Variants in ZNF507 observed in about 807,000 individuals in gnomAD.
ZNF507 encodes the protein zinc finger protein 507.
In ZNF507, 29 loss-of-function variants were observed where a neutral mutation model predicts 80.0. That is an observed-to-expected ratio of 0.36 (90% confidence interval 0.27 to 0.49). The LOEUF (loss-of-function observed/expected upper bound fraction) is 0.49, where lower values mean the gene tolerates loss of function less well. Among genes scored for constraint, ZNF507 ranks in the 20% least tolerant of loss-of-function variants. The probability of loss-of-function intolerance (pLI) is 0.98; values close to 1 mark genes in which losing one functional copy is unlikely to be tolerated. For missense variants in ZNF507, 1,081 were observed against 1,152.2 expected (o/e 0.94, Z 0.90); for synonymous variants, 462 against 422.5 (o/e 1.09, Z -1.15).
At chr19:32,372,543 T>A (rs956856946) in intron 5 of ZNF507, among the ~76,000 whole-genome samples, 9 of 151,796 alleles carry the variant, frequency 5.9e-5, no homozygotes, top group African/African-American at 2.2e-4. Flanking sequence ...TGGCCCTGGC[T>A]TCTGGTGAAG....
intron 5 of ZNF507, among the ~76,000 whole-genome samples, chr19:32,381,777 G>A (rs1455542629): frequency 6.6e-6 from 1 of 152,168 alleles, no homozygotes; most frequent in Non-Finnish European, 1.5e-5. Flanking sequence ...ATTGGGTGCA[G>A]GGGAGGAGGG....
chr19:32,365,428 G>A (rs1967385861), intron 5 of ZNF507, among the ~76,000 whole-genome samples: 1 of 152,120 alleles, frequency 6.6e-6, no homozygotes. Flanking sequence ...GTCTAGAAGG[G>A]TTTTTCCAAT....
Position 32,354,776 on chromosome 19 carries a change from C to G in ZNF507, c.1946C>G (p.Thr649Arg). The G allele has an allele frequency of 1.2e-6, 2 of 1,614,180 alleles. No homozygotes were observed. The highest frequency in any genetic ancestry group is 1.7e-6 in the Non-Finnish European group (2 of 1,180,044). ...RPYRCRLCHY[T>R]SGNKGYIKQH... ...TACCGTTGCCGCCTGTGTCACTACA[C>G]AAGTGGCAACAAGGGCTACATCAAG... The change falls in exon 3 of 7, where the codon ACA becomes AGA. Residue 649 changes from threonine to arginine, a missense_variant. By Grantham distance (71) the Thr-to-Arg change is moderately conservative (BLOSUM62 -1). Around this residue, in one of 6 missense-constraint regions of ZNF507, gnomAD observed 614 missense variants for 583.9 expected, o/e 1.05. Transcript: ENST00000355898.
intron 5 of ZNF507, among the ~76,000 whole-genome samples, chr19:32,371,128 T>C (rs1214712338): frequency 2.0e-5 from 3 of 152,180 alleles, no homozygotes; most frequent in African/African-American, 4.8e-5. Context: ...AAACATATTT[T>C]CTATCATTTC....
Position 32,353,986 on chromosome 19 carries a change from A to G in ZNF507, c.1156A>G (p.Ser386Gly), listed in dbSNP as rs145399600. The change falls in exon 3 of 7, where the codon AGC (serine) becomes GGC (glycine). Residue 386 changes from serine to glycine, a missense_variant. This residue lies in a region of ZNF507 where 614 missense variants were observed against 583.9 expected (regional missense o/e 1.05). Coordinates refer to ENST00000355898, the MANE Select transcript of ZNF507 (RefSeq NM_001136156.2). ...GCTTACATCAGCACAGAAAATCATC[A>G]GCAGCAGCCCCAATAAAAAAGGGCA... is the stretch of plus-strand genomic sequence containing the variant. The part of the protein sequence containing the change: ...SLLTSAQKII[S>G]SSPNKKGHVN... The G allele has an allele frequency of 3.1e-6, 5 of 1,614,174 alleles. No individual in the cohort carries two copies. The South Asian group carries it at 4.4e-5, about 14-fold the overall frequency.
At chr19:32,351,280 C>T (rs1005664570) in intron 2 of ZNF507, among the ~76,000 whole-genome samples, 3 of 151,892 alleles carry the variant, frequency 2.0e-5, no homozygotes, top group Non-Finnish European at 4.4e-5. Context: ...CTGAAGAAGC[C>T]AAGAGTAAAG....
At chr19:32,382,674 T>C in intron 6 of ZNF507, 43 bp from the exon 7 acceptor site, 3 of 1,610,902 alleles carry the variant, frequency 1.9e-6, no homozygotes, top group Non-Finnish European at 2.5e-6. Context: ...TAGTCCTACA[T>C]TGTAGCCTCC....
chr19:32,382,313 C>G, intron 5 of ZNF507, 154 bp from the exon 6 acceptor site: 1 of 912,538 alleles, frequency 1.1e-6, no homozygotes, highest in Non-Finnish European at 1.6e-6. Flanking sequence ...AATCAGTGTA[C>G]CTCTTAGAAT....
At chr19:32,361,842 T>TCTTCCTTTCCTTCCTTCCTTTC (rs1568305731) in intron 5 of ZNF507, among the ~76,000 whole-genome samples, 1 of 136,220 alleles carries the variant, frequency 7.3e-6, no homozygotes, top group African/African-American at 2.8e-5. Flanking sequence ...TCCTTTCCTT[T>TCTTCCTTTCCTTCCTTCCTTTC]CTTCCTTTCC....
chr19:32,350,382 T>A (rs1401455371), intron 2 of ZNF507, among the ~76,000 whole-genome samples: 1 of 152,230 alleles, frequency 6.6e-6, no homozygotes, highest in Non-Finnish European at 1.5e-5. Flanking sequence ...ATGAGATACT[T>A]ACATAAATGT....
At chr19:32,377,836 C>T (rs1338911948) in intron 5 of ZNF507, among the ~76,000 whole-genome samples, 1 of 152,170 alleles carries the variant, frequency 6.6e-6, no homozygotes, top group Non-Finnish European at 1.5e-5. Flanking sequence ...GAAAGAGGAA[C>T]TTGACCCTGG....
intron 4 of ZNF507, chr19:32,358,814 A>T (rs1411542287): frequency 1.3e-5 from 2 of 152,168 alleles, no homozygotes; most frequent in African/African-American, 2.4e-5. Context: ...TATAGGACTT[A>T]CTAAACTATG....
chr19:32,382,578 C>T lies in ZNF507; in HGVS notation c.2472C>T (p.Asn824=), dbSNP rs755463802. ...YNYEQVNKAI[N]DAISQSGRVL... ...ACGAACAAGTAAACAAGGCTATTAA[C>T]GACGCGATTTCACAAAGTGGCAGGT... The change falls in exon 6 of 7, where the codon AAC becomes AAT. Residue 824 remains asparagine (N), a synonymous_variant. Coordinates refer to ENST00000355898, the MANE Select transcript of ZNF507 (RefSeq NM_001136156.2). 3.7e-6 allele frequency: 6 copies of T among 1,614,132 alleles called. No homozygotes were observed. Among genetic ancestry groups the T allele is most frequent in the Middle Eastern group, 1.6e-4 (1 of 6,062 alleles).
At chr19:32,363,142 A>G (rs1285002450) in intron 5 of ZNF507, among the ~76,000 whole-genome samples, 1 of 152,110 alleles carries the variant, frequency 6.6e-6, no homozygotes, top group East Asian at 1.9e-4. Context: ...GGCTCATTTC[A>G]TGTCTGCTTC....
Position 32,353,562 on chromosome 19 carries a change from G to A in ZNF507, c.732G>A (p.Gln244=). The A allele has an allele frequency of 6.2e-7, 1 of 1,614,204 alleles. No homozygotes were observed. The highest frequency in any genetic ancestry group is 8.5e-7 in the Non-Finnish European group (1 of 1,180,050). The part of the protein sequence containing the change: ...MGRRKWYAYE[Q]YGMYRCLFCS... Reference sequence around the variant, plus strand: ...GGAGGAAATGGTATGCATACGAACAGTACGGCATGTATCGATGCTTGTTTT... The same window carrying A: ...GGAGGAAATGGTATGCATACGAACAATACGGCATGTATCGATGCTTGTTTT... The change falls in exon 3 of 7, where the codon CAG becomes CAA. Residue 244 remains glutamine (Q), a synonymous_variant. Transcript: ENST00000355898.
At chr19:32,359,779 C>T (rs1967297074) in intron 4 of ZNF507, 1 of 152,230 alleles carries the variant, frequency 6.6e-6, no homozygotes, top group Non-Finnish European at 1.5e-5. Context: ...AAGAATTATA[C>T]ATTGCATAGC....
chr19:32,359,554 G>A (rs1967293897), intron 4 of ZNF507: 1 of 152,180 alleles, frequency 6.6e-6, no homozygotes, highest in African/African-American at 2.4e-5. Context: ...AGTACATGAA[G>A]CGTTGAATAT....
chr19:32,354,949 C>T lies in ZNF507; in HGVS notation c.2119C>T (p.His707Tyr). 1 of 1,602,174 alleles carries T rather than the reference C, an allele frequency of 6.2e-7. No homozygotes were observed. Among genetic ancestry groups the T allele is most frequent in the East Asian group, 2.2e-5 (1 of 44,724 alleles). ...GTGCAAGCAGTGTGAAGAATCCTTC[C>T]ATTATAAGGTAAGCATTGGTTCAGG... ...YQCKQCEESF[H>Y]YKSQLRNHER... The change falls in exon 3 of 7, where the codon CAT becomes TAT. Residue 707 changes from histidine (H) to tyrosine (Y), a missense_variant. His to Tyr is a moderately conservative substitution (Grantham distance 83). Around this residue, in one of 6 missense-constraint regions of ZNF507, gnomAD observed 614 missense variants for 583.9 expected, o/e 1.05. Transcript: ENST00000355898.
In ZNF507 at chr19:32,353,367, C is replaced by T. The variant is rs77028669; in HGVS notation, c.537C>T (p.Asp179=). 6.2e-7 allele frequency: 1 copy of T among 1,614,172 alleles called. No homozygotes were observed. Among genetic ancestry groups the T allele is most frequent in the East Asian group, 2.2e-5 (1 of 44,894 alleles). ...AAGCCCACGTGGTGAATGACCATGACAATGATGCCAATATCCACACCCAAT... is the reference window on the plus strand; with the variant it reads ...AAGCCCACGTGGTGAATGACCATGATAATGATGCCAATATCCACACCCAAT... ...ELEAHVVNDH[D]NDANIHTQSK... The change falls in exon 3 of 7, where the codon GAC becomes GAT. Residue 179 remains aspartate (D), a synonymous_variant. Transcript: ENST00000355898.
Sources: allele counts gnomAD v4.1 joint callset (sites outside exome capture counted in the v4.1 genomes callset), GRCh38; gene constraint gnomAD v4.1.1; regional missense constraint gnomAD v4.1.1; transcripts MANE v1.5; gene names NCBI Gene and HGNC (gene_info 2026-07-23, HGNC 2026-07-21).